Variants in LCORL observed in about 807,000 individuals in gnomAD.
LCORL encodes ligand dependent nuclear receptor corepressor like.
A neutral mutation model predicts 141.8 loss-of-function variants in LCORL; 41 were observed. The observed-to-expected ratio is 0.29, with a 90% CI of 0.23 to 0.38. LCORL has a LOEUF of 0.38. LCORL is among the 10% of genes least tolerant of loss of function. LCORL has a pLI of 1.00. For synonymous variants in LCORL, 618 were observed against 694.1 expected, an observed-to-expected ratio of 0.89 and a Z score of 1.72; for missense variants, 1,759 against 2,035.0, an observed-to-expected ratio of 0.86 and a Z score of 2.61.
intron 1 of LCORL, among the ~76,000 whole-genome samples, chr4:17,986,789 T>G (rs1719050934): frequency 6.6e-6 from 1 of 152,208 alleles, no homozygotes; most frequent in Non-Finnish European, 1.5e-5. Flanking sequence ...CTTTGGCTAC[T>G]TCTCAACTGA....
At chr4:17,892,961 G>C (rs2109258072) in intron 5 of LCORL, among the ~76,000 whole-genome samples, 1 of 152,218 alleles carries the variant, frequency 6.6e-6, no homozygotes, top group East Asian at 1.9e-4. Context: ...CATCATAGTG[G>C]AAGACTTTAG....
chr4:17,876,750 T>G (rs1256009706), exon 7 of LCORL: 6 of 1,230,786 alleles, frequency 4.9e-6, no homozygotes, highest in Non-Finnish European at 6.1e-6. Flanking sequence ...TTTCCTATCA[T>G]TTTGCAAAAA....
At chr4:17,923,674 G>A (rs1734654070) in intron 4 of LCORL, among the ~76,000 whole-genome samples, 1 of 150,488 alleles carries the variant, frequency 6.6e-6, no homozygotes, top group African/African-American at 2.4e-5. Flanking sequence ...AAAAAAAGAT[G>A]GCCCTCTGTG....
chr4:17,873,312 TG>T, intron 7 of LCORL, 75 bp downstream of exon 7: 1 of 925,262 alleles, frequency 1.1e-6, no homozygotes. Context: ...CTGCATCAGC[TG>T]TTCCTTTTCT....
At chr4:17,944,071 G>A (rs1458952811) in intron 4 of LCORL, among the ~76,000 whole-genome samples, 2 of 152,156 alleles carry the variant, frequency 1.3e-5, no homozygotes, top group Non-Finnish European at 2.9e-5. Flanking sequence ...ACTGTCCATA[G>A]TTTTTTGCCT....
At chr4:17,874,991 A>C in exon 7 of LCORL, 14 of 1,233,846 alleles carry the variant, frequency 1.1e-5, no homozygotes, top group Non-Finnish European at 1.4e-5. Flanking sequence ...ATGGTTTTCT[A>C]TCCCTAATAG....
exon 8 of LCORL, chr4:17,844,818 C>T (rs926654057): frequency 1.3e-5 from 2 of 152,308 alleles, no homozygotes; most frequent in African/African-American, 2.4e-5. Context: ...GTTTACCATA[C>T]CAAAGCTTGC....
intron 4 of LCORL, among the ~76,000 whole-genome samples, chr4:17,947,290 A>C (rs1286695321): frequency 6.6e-6 from 1 of 152,016 alleles, no homozygotes; most frequent in African/African-American, 2.4e-5. Context: ...AGGCACAGAA[A>C]GATAAATATT....
At position 18,003,935 on chromosome 4, in the gene LCORL, C is replaced by T. The variant is rs139352381; in HGVS notation, c.154+17663G>A. On this transcript the variant is annotated intron_variant, in intron 1 of 7. Coordinates refer to ENST00000635767, the Ensembl canonical transcript of LCORL. ...TCAAACCTGGGGGAGGGGTGCACCACACACACCAATAAAGTCCAAAGCCAC... is the reference window on the plus strand; with the variant it reads ...TCAAACCTGGGGGAGGGGTGCACCATACACACCAATAAAGTCCAAAGCCAC... Among the ~76,000 whole-genome samples the T allele has an allele frequency of 2.8e-4, 42 of 152,308 alleles. 1 individual carries two copies. The highest frequency in any genetic ancestry group is 9.6e-4 in the African/African-American group (40 of 41,564).
intron 5 of LCORL, among the ~76,000 whole-genome samples, chr4:17,901,245 G>A (rs1178602561): frequency 6.6e-6 from 1 of 151,936 alleles, no homozygotes; most frequent in Non-Finnish European, 1.5e-5. Flanking sequence ...GAAAGAGTGA[G>A]AGAGAGCCCA....
intron 4 of LCORL, among the ~76,000 whole-genome samples, chr4:17,956,247 G>A (rs573439228): frequency 2.0e-5 from 3 of 152,124 alleles, no homozygotes; most frequent in Admixed American, 6.5e-5. Context: ...AAAATAGTGC[G>A]GAGGTTTCGC....
intron 7 of LCORL, among the ~76,000 whole-genome samples, chr4:17,850,374 C>A (rs1272634110): frequency 2.0e-5 from 3 of 150,280 alleles, no homozygotes; most frequent in Non-Finnish European, 4.5e-5. Flanking sequence ...ATTTTCACAA[C>A]CTACTCATCT....
intron 1 of LCORL, chr4:18,020,844 G>C (rs1392318790): frequency 1.3e-5 from 2 of 152,388 alleles, no homozygotes; most frequent in Non-Finnish European, 2.9e-5. Context: ...ACGGGGGGGA[G>C]GGTGTCGTTG....
intron 7 of LCORL, among the ~76,000 whole-genome samples, chr4:17,848,766 C>T (rs1045443916): frequency 2.6e-5 from 4 of 152,228 alleles, no homozygotes; most frequent in African/African-American, 7.2e-5. Flanking sequence ...CAGGGAGTTC[C>T]CTTTCCTAGT....
chr4:17,959,470 A>G (rs1389356211), intron 4 of LCORL, among the ~76,000 whole-genome samples: 1 of 152,042 alleles, frequency 6.6e-6, no homozygotes, highest in African/African-American at 2.4e-5. Context: ...GTTAAACAGT[A>G]CTTACCCTCT....
At chr4:18,004,834 G>C (rs1485724253) in intron 1 of LCORL, among the ~76,000 whole-genome samples, 2 of 152,138 alleles carry the variant, frequency 1.3e-5, no homozygotes, top group African/African-American at 2.4e-5. Flanking sequence ...AACAGACATT[G>C]GGTAAATAGA....
At position 17,874,473 on chromosome 4, in the gene LCORL, C is replaced by T. The variant is rs957996034; in HGVS notation, c.4517G>A (p.Cys1506Tyr). The T allele has an allele frequency of 9.7e-6, 12 of 1,233,696 alleles. No individual in the cohort carries two copies. The Middle Eastern group carries it at 1.0e-3, about 106-fold the overall frequency. 76.4% of individuals were successfully genotyped at this position (1,233,696 alleles called of 1,614,324 possible). A position where few individuals can be genotyped will look rare whatever the true frequency, so the allele number is the denominator to read the frequency against. The change falls in exon 7 of 8, where the codon TGT (cysteine) becomes TAT (tyrosine). Residue 1506 changes from cysteine (C) to tyrosine (Y), a missense_variant. By Grantham distance (194) the Cys-to-Tyr change is radical (BLOSUM62 -2). Coordinates refer to ENST00000635767, the Ensembl canonical transcript of LCORL. Reference sequence around the variant, plus strand: ...TTCTGTTGTTTGCATAAACCAAGTACAGAGTTCATTCAAATCATACTTTTT... The same window carrying T: ...TTCTGTTGTTTGCATAAACCAAGTATAGAGTTCATTCAAATCATACTTTTT...
At chr4:17,948,184 G>C (rs1396697887) in intron 4 of LCORL, among the ~76,000 whole-genome samples, 1 of 151,986 alleles carries the variant, frequency 6.6e-6, no homozygotes. Flanking sequence ...AGTATTTTAA[G>C]TAGAATCAAT....
At chr4:17,938,345 G>C (rs1432846446) in intron 4 of LCORL, among the ~76,000 whole-genome samples, 1 of 150,604 alleles carries the variant, frequency 6.6e-6, no homozygotes, top group Non-Finnish European at 1.5e-5. Context: ...TTACCTTGAT[G>C]TTACAAATTA....
Sources: allele counts gnomAD v4.1 joint callset (sites outside exome capture counted in the v4.1 genomes callset), GRCh38; gene constraint gnomAD v4.1.1; transcripts MANE v1.5; gene names NCBI Gene and HGNC (gene_info 2026-07-23, HGNC 2026-07-21).